ULK4: variants seen among roughly 807,000 people sequenced by gnomAD.
ULK4 encodes the protein inactive serine/threonine-protein kinase ULK4.
In ULK4, 133 loss-of-function variants were observed where a neutral mutation model predicts 160.6. The observed-to-expected ratio is 0.83, with a 90% confidence interval of 0.72 to 0.96. The LOEUF is 0.96. Among genes scored for constraint, ULK4 ranks in the 40% least tolerant of loss-of-function variants. The pLI is 0.00. For synonymous variants in ULK4, 534 were observed against 539.8 expected (o/e 0.99, Z 0.15); for missense variants, 1,580 against 1,499.5 (o/e 1.05, Z -0.89).
At chr3:41,825,711 T>C (rs1346394687) in intron 18 of ULK4, among the ~76,000 whole-genome samples, 2 of 152,222 alleles carry the variant, frequency 1.3e-5, no homozygotes, top group East Asian at 3.9e-4. Flanking sequence ...ACAGGGAGAA[T>C]GGAACCAAGC....
At chr3:41,686,073 G>A (rs887671330) in intron 27 of ULK4, among the ~76,000 whole-genome samples, 2 of 152,154 alleles carry the variant, frequency 1.3e-5, no homozygotes, top group Non-Finnish European at 2.9e-5. Context: ...AGGTACTATA[G>A]TCATTGATGG....
At position 41,457,301 on chromosome 3, in the gene ULK4, T is replaced by C. The variant is rs568663506; in HGVS notation, c.3394-1706A>G. Among the ~76,000 whole-genome samples the C allele has an allele frequency of 3.9e-5, 6 of 152,156 alleles. No individual in the cohort carries two copies. The East Asian group carries it at 1.2e-3, about 29-fold the overall frequency. On this transcript the variant is annotated intron_variant, in intron 33 of 36. Coordinates refer to ENST00000301831, the MANE Select transcript of ULK4 (RefSeq NM_017886.4). ...TGGGGCCACAGTACAAGAAACACTGTAGGACTTTTTCCACCAGGATGTCCC... is the reference window on the plus strand; with the variant it reads ...TGGGGCCACAGTACAAGAAACACTGCAGGACTTTTTCCACCAGGATGTCCC...
intron 36 of ULK4, among the ~76,000 whole-genome samples, 157 bp from the exon 37 acceptor site, chr3:41,247,149 C>A (rs916523347): frequency 6.6e-6 from 1 of 152,220 alleles, no homozygotes; most frequent in Non-Finnish European, 1.5e-5. Context: ...GGCCCACAGT[C>A]CTGGTGGGGT....
chr3:41,645,172 GTT>G (rs924494601), intron 30 of ULK4, among the ~76,000 whole-genome samples: 3 of 149,450 alleles, frequency 2.0e-5, no homozygotes, highest in African/African-American at 7.7e-5. Context: ...TTTTTGAAGG[GTT>G]TTTTGTGTCG....
chr3:41,534,376 T>A (rs1384623891), intron 32 of ULK4, among the ~76,000 whole-genome samples: 1 of 152,174 alleles, frequency 6.6e-6, no homozygotes, highest in East Asian at 1.9e-4. Flanking sequence ...TAATATCCAT[T>A]ATTGAAAGGT....
rs576416816 is a variant in ULK4, at chr3:41,611,117, A to T, written c.3120+4552T>A. ...ACAATGGACTCTTCTGATGGCTCAC[A>T]TTTTTCAGGAACCCGCATTTATTAA... On this transcript the variant is annotated intron_variant, in intron 31 of 36. Coordinates refer to ENST00000301831, the MANE Select transcript of ULK4 (RefSeq NM_017886.4). 1.0e-3 allele frequency among the ~76,000 whole-genome samples: 156 copies of T among 152,280 alleles called. 1 individual carries two copies. Among genetic ancestry groups the T allele is most frequent in the African/African-American group, 3.7e-3 (152 of 41,548 alleles).
chr3:41,850,072 C>T (rs534494531), intron 17 of ULK4, among the ~76,000 whole-genome samples: 9 of 152,182 alleles, frequency 5.9e-5, no homozygotes, highest in South Asian at 2.1e-4. Flanking sequence ...TTTGGTTTTT[C>T]GTCCTTGTCA....
intron 31 of ULK4, among the ~76,000 whole-genome samples, chr3:41,599,360 C>A (rs983357871): frequency 6.6e-6 from 1 of 152,088 alleles, no homozygotes; most frequent in African/African-American, 2.4e-5. Context: ...TTTAGGTAAC[C>A]TGATCAACCT....
chr3:41,645,293 A>C (rs2034431926), intron 30 of ULK4, among the ~76,000 whole-genome samples: 1 of 151,034 alleles, frequency 6.6e-6, no homozygotes, highest in Non-Finnish European at 1.5e-5. Flanking sequence ...TTAGGGTGTC[A>C]ATATTGGATC....
intron 34 of ULK4, among the ~76,000 whole-genome samples, chr3:41,431,927 C>G (rs561105607): frequency 2.6e-5 from 4 of 151,750 alleles, no homozygotes; most frequent in East Asian, 1.9e-4. Flanking sequence ...GTAGCTGGGA[C>G]TACAGGCGCC....
At chr3:41,698,069 T>C (rs762075940) in intron 27 of ULK4, among the ~76,000 whole-genome samples, 1 of 152,222 alleles carries the variant, frequency 6.6e-6, no homozygotes, top group Non-Finnish European at 1.5e-5. Context: ...TACAGGTTTG[T>C]AGCCTAGAAG....
At chr3:41,590,660 A>T (rs1340465163) in intron 31 of ULK4, among the ~76,000 whole-genome samples, 1 of 151,648 alleles carries the variant, frequency 6.6e-6, no homozygotes, top group Non-Finnish European at 1.5e-5. Flanking sequence ...ACAAAAAAAC[A>T]AATACATCTT....
intron 2 of ULK4, among the ~76,000 whole-genome samples, chr3:41,940,411 C>G (rs1450723787): frequency 1.3e-5 from 2 of 152,120 alleles, no homozygotes; most frequent in Non-Finnish European, 2.9e-5. Context: ...GAGTGGAAAA[C>G]AGCAGGACCT....
chr3:41,769,347 G>A (rs1285362469), intron 21 of ULK4, among the ~76,000 whole-genome samples: 1 of 152,162 alleles, frequency 6.6e-6, no homozygotes, highest in African/African-American at 2.4e-5. Context: ...AACACTTGAG[G>A]AGAGAAGATT....
chr3:41,941,051 T>C (rs983816869), intron 2 of ULK4, among the ~76,000 whole-genome samples: 1 of 151,686 alleles, frequency 6.6e-6, no homozygotes, highest in African/African-American at 2.4e-5. Context: ...TTTTTTTTTT[T>C]TGAAACAAGG....
intron 33 of ULK4, 107 bp downstream of exon 33, chr3:41,462,980 T>C (rs964432993): frequency 3.0e-6 from 4 of 1,342,128 alleles, no homozygotes; most frequent in Admixed American, 4.5e-5. Flanking sequence ...TTATACATTC[T>C]TTTAAATAAG....
chr3:41,937,854 C>T (rs1312302000), intron 3 of ULK4: 1 of 293,836 alleles, frequency 3.4e-6, no homozygotes, highest in Non-Finnish European at 6.2e-6. Context: ...TTAATCATCA[C>T]TTTAAAACAT....
rs187737166 is a variant in ULK4, at chr3:41,250,323, T to A, written c.3679-749A>T. Among the ~76,000 whole-genome samples, 26 of 152,358 alleles carry A rather than the reference T, an allele frequency of 1.7e-4. No individual in the cohort carries two copies. The East Asian group carries it at 5.0e-3, about 29-fold the overall frequency. On this transcript the variant is annotated intron_variant, in intron 35 of 36. Coordinates refer to ENST00000301831, the MANE Select transcript of ULK4 (RefSeq NM_017886.4). The stretch of plus-strand genomic sequence containing the variant: ...TTGCTTCTCTTAATTCACCGTTGCC[T>A]CCTATTGTTATCTTTGTTAGTTTAA...
intron 30 of ULK4, among the ~76,000 whole-genome samples, chr3:41,627,451 TAAG>T (rs1351155146): frequency 3.3e-5 from 5 of 152,170 alleles, no homozygotes; most frequent in Non-Finnish European, 7.3e-5. Flanking sequence ...ACAAGAGGCG[TAAG>T]TCCCGATCCA....
Sources: gnomAD v4.1 joint callset for allele counts (sites outside exome capture counted in the v4.1 genomes callset) on GRCh38, gnomAD v4.1.1 for gene constraint, MANE v1.5 for transcripts, NCBI Gene and HGNC (gene_info 2026-07-23, HGNC 2026-07-21) for gene names.